The following CNTN4 variants were observed in gnomAD, a reference collection of about 807,000 sequenced individuals.
CNTN4 encodes the protein contactin-4.
CNTN4 carries 77 observed loss-of-function variants against 122.5 expected under a neutral mutation model. That is an observed-to-expected ratio of 0.63 (90% confidence interval 0.52 to 0.76). The LOEUF is 0.76. Among genes scored for constraint, CNTN4 ranks in the 30% least tolerant of loss-of-function variants. CNTN4 has a pLI of 0.00. For synonymous variants in CNTN4, 512 were observed against 447.0 expected (o/e 1.15, Z -1.83); for missense variants, 1,256 against 1,259.1 (o/e 1.00, Z 0.04).
At chr3:2,244,571 A>G (rs1306262735) in intron 2 of CNTN4, among the ~76,000 whole-genome samples, 1 of 152,108 alleles carries the variant, frequency 6.6e-6, no homozygotes, top group Admixed American at 6.6e-5. Flanking sequence ...ATTAGGTTAC[A>G]TAAAATATAT....
At chr3:3,024,247 C>T (rs62234384) in intron 14 of CNTN4, among the ~76,000 whole-genome samples, 1 of 151,868 alleles carries the variant, frequency 6.6e-6, no homozygotes, top group African/African-American at 2.4e-5. Context: ...ATCATTTTAG[C>T]CTGGGATCTG....
At chr3:2,751,877 G>C (rs1326528501) in intron 6 of CNTN4, among the ~76,000 whole-genome samples, 1 of 152,128 alleles carries the variant, frequency 6.6e-6, no homozygotes, top group East Asian at 1.9e-4. Flanking sequence ...GGCTTGAGAA[G>C]ATGAGATGTT....
chr3:2,357,991 T>C (rs78262820), intron 3 of CNTN4, among the ~76,000 whole-genome samples: 3,396 of 152,290 alleles, frequency 0.022, 130 homozygotes, highest in African/African-American at 0.078. Context: ...TCTACACTTA[T>C]CGTTTCGTTT....
At chr3:2,406,079 G>A (rs564646610) in intron 3 of CNTN4, among the ~76,000 whole-genome samples, 14 of 151,862 alleles carry the variant, frequency 9.2e-5, no homozygotes, top group African/African-American at 3.4e-4. Flanking sequence ...GGTAATAATT[G>A]TTGCAGATGA....
chr3:2,642,583 T>C (rs1214032672), intron 4 of CNTN4, among the ~76,000 whole-genome samples: 4 of 152,202 alleles, frequency 2.6e-5, no homozygotes, highest in Non-Finnish European at 5.9e-5. Flanking sequence ...TGTACACATA[T>C]ACAGGTATGT....
chr3:2,116,870 G>A (rs962280617), intron 2 of CNTN4, among the ~76,000 whole-genome samples: 1 of 150,718 alleles, frequency 6.6e-6, no homozygotes, highest in African/African-American at 2.5e-5. Flanking sequence ...TCTGGGGTTG[G>A]GGGTGGGTTC....
chr3:2,717,482 CT>C (rs1403988192), intron 4 of CNTN4, among the ~76,000 whole-genome samples: 2 of 152,202 alleles, frequency 1.3e-5, no homozygotes, highest in African/African-American at 4.8e-5. Context: ...ACTTGGGAAT[CT>C]TGCCTCTGAT....
chr3:2,523,799 A>C (rs896898149), intron 3 of CNTN4, among the ~76,000 whole-genome samples: 1 of 152,056 alleles, frequency 6.6e-6, no homozygotes, highest in Admixed American at 6.6e-5. Flanking sequence ...GTGCTTAGAA[A>C]TCAAAATGAA....
chr3:2,735,333 C>T (rs12635996), intron 4 of CNTN4, among the ~76,000 whole-genome samples: 84,505 of 152,104 alleles, frequency 0.56, 27,258 homozygotes, highest in Non-Finnish European at 0.74. Context: ...TGTGCATAGT[C>T]TAGAAGCATG....
rs186046616 is a variant in CNTN4, at chr3:2,729,991, A to C, written c.56-6224A>C. On this transcript the variant is annotated intron_variant, in intron 4 of 24. Transcript: ENST00000418658. ...CTCAAATGCTGTTTTCTGAGTCCTG[A>C]TAATTAGAATCCAGTAGGTCTGGGA... is the stretch of plus-strand genomic sequence containing the variant. 5.8e-3 allele frequency among the ~76,000 whole-genome samples: 883 copies of C among 152,280 alleles called. 2 individuals are homozygous for C. The highest frequency in any genetic ancestry group is 8.9e-3 in the South Asian group (43 of 4,826).
chr3:2,318,210 C>T (rs915041702), intron 2 of CNTN4, among the ~76,000 whole-genome samples: 15 of 135,876 alleles, frequency 1.1e-4, no homozygotes, highest in Non-Finnish European at 1.6e-4. Context: ...GTAACGAGAA[C>T]TTGTCCCTAA....
chr3:2,401,676 A>C (rs1001126498), intron 3 of CNTN4, among the ~76,000 whole-genome samples: 1 of 152,122 alleles, frequency 6.6e-6, no homozygotes, highest in Non-Finnish European at 1.5e-5. Flanking sequence ...TCTTATTAGG[A>C]GTGAACAGTG....
At chr3:2,487,255 C>A (rs531388710) in intron 3 of CNTN4, among the ~76,000 whole-genome samples, 2 of 152,252 alleles carry the variant, frequency 1.3e-5, no homozygotes, top group South Asian at 4.1e-4. Flanking sequence ...CTTTTCTCTG[C>A]TTATGTATAA....
rs113926948 is a variant in CNTN4 at position 2,908,579 on chromosome 3, T to G, written c.1207+5574T>G. 4.9e-3 allele frequency among the ~76,000 whole-genome samples: 744 copies of G among 152,278 alleles called. 5 individuals are homozygous for G. The highest frequency in any genetic ancestry group is 0.017 in the African/African-American group (687 of 41,554). ...AGATTTCTGGAACATAAACTGTACC[T>G]CAGACCCATTTCCACCTTGAGATAA... On this transcript the variant is annotated intron_variant, in intron 12 of 24. Coordinates refer to ENST00000418658, the MANE Select transcript of CNTN4 (RefSeq NM_175607.3).
At chr3:2,891,049 G>A (rs1246057346) in intron 10 of CNTN4, among the ~76,000 whole-genome samples, 3 of 152,056 alleles carry the variant, frequency 2.0e-5, no homozygotes, top group Non-Finnish European at 4.4e-5. Flanking sequence ...CACTATGGCT[G>A]CAAGACAAAA....
chr3:2,883,199 C>T lies in CNTN4; in HGVS notation c.707C>T (p.Pro236Leu), dbSNP rs779295042. ...GAAGTGCAGTTCCCAGAAACAGTTCCGACTGCAAAAGGAGCAACGGTGAAG... is the reference window on the plus strand; with the variant it reads ...GAAGTGCAGTTCCCAGAAACAGTTCTGACTGCAAAAGGAGCAACGGTGAAG... Reference protein sequence around the residue: ...KIEVQFPETVPTAKGATVKLE... With the variant: ...KIEVQFPETVLTAKGATVKLE... The change falls in exon 9 of 25, where the codon CCG becomes CTG. Residue 236 changes from proline (P) to leucine (L), a missense_variant. Coordinates refer to ENST00000418658, the MANE Select transcript of CNTN4 (RefSeq NM_175607.3). 7.4e-6 allele frequency: 12 copies of T among 1,613,662 alleles called. No homozygotes were observed. The highest frequency in any genetic ancestry group is 6.6e-5 in the South Asian group (6 of 91,040).
intron 12 of CNTN4, among the ~76,000 whole-genome samples, chr3:2,905,020 A>G (rs2094213959): frequency 6.6e-6 from 1 of 152,132 alleles, no homozygotes; most frequent in African/African-American, 2.4e-5. Context: ...AAAATAACAG[A>G]ATATATGTGT....
intron 3 of CNTN4, among the ~76,000 whole-genome samples, chr3:2,442,568 T>G (rs922069204): frequency 6.6e-6 from 1 of 151,574 alleles, no homozygotes; most frequent in Non-Finnish European, 1.5e-5. Context: ...ATCTTGTCGT[T>G]AACCCCCATC....
At chr3:2,431,022 G>GA (rs896030012) in intron 3 of CNTN4, among the ~76,000 whole-genome samples, 2 of 150,844 alleles carry the variant, frequency 1.3e-5, no homozygotes, top group African/African-American at 2.4e-5. Context: ...TACACTTCAA[G>GA]AAAAAAAAAT....
Sources: allele counts gnomAD v4.1 joint callset (sites outside exome capture counted in the v4.1 genomes callset), GRCh38; gene constraint gnomAD v4.1.1; transcripts MANE v1.5; gene names NCBI Gene and HGNC (gene_info 2026-07-23, HGNC 2026-07-21).